The following CTNNA3 variants were observed in gnomAD, a reference collection of about 807,000 sequenced individuals.
CTNNA3 encodes the protein catenin alpha 3, also known as catenin alpha-3.
CTNNA3 carries 76 observed loss-of-function variants against 95.7 expected under a neutral mutation model. That is an observed-to-expected ratio of 0.79 (90% CI 0.66 to 0.96). CTNNA3 has a LOEUF of 0.96. CTNNA3 is among the 40% of genes least tolerant of loss of function. CTNNA3 has a pLI of 0.00. For synonymous variants in CTNNA3, 431 were observed against 374.4 expected (o/e 1.15, Z -1.74); for missense variants, 1,191 against 1,089.8 (o/e 1.09, Z -1.31).
chr10:66,687,348 T>A (rs1847333983), intron 9 of CTNNA3, among the ~76,000 whole-genome samples: 1 of 152,126 alleles, frequency 6.6e-6, no homozygotes, highest in African/African-American at 2.4e-5. Context: ...TTTGTCTTCT[T>A]GATGCCTCCC....
At chr10:66,846,132 A>AC (rs71035190) in intron 7 of CTNNA3, among the ~76,000 whole-genome samples, 18 of 72,372 alleles carry the variant, frequency 2.5e-4, no homozygotes, top group Admixed American at 1.0e-3. Flanking sequence ...ACTCTGTCTC[A>AC]AAAAAAAGGG....
chr10:67,105,381 T>C (rs959660207), intron 7 of CTNNA3, among the ~76,000 whole-genome samples: 3 of 152,138 alleles, frequency 2.0e-5, no homozygotes, highest in Non-Finnish European at 2.9e-5. Flanking sequence ...ATGCTACATG[T>C]TCTTTCCAAG....
chr10:66,546,981 A>G (rs1456340237), intron 10 of CTNNA3, among the ~76,000 whole-genome samples: 1 of 152,150 alleles, frequency 6.6e-6, no homozygotes, highest in Non-Finnish European at 1.5e-5. Flanking sequence ...TTATAACAAC[A>G]GAGCTTTTTG....
intron 7 of CTNNA3, among the ~76,000 whole-genome samples, chr10:66,982,145 A>G (rs981303169): frequency 1.3e-5 from 2 of 152,196 alleles, no homozygotes; most frequent in Non-Finnish European, 2.9e-5. Flanking sequence ...AAATAAATAC[A>G]TTTGCATTCT....
chr10:67,264,504 G>A (rs1866739457), intron 5 of CTNNA3, among the ~76,000 whole-genome samples: 1 of 152,068 alleles, frequency 6.6e-6, no homozygotes, highest in African/African-American at 2.4e-5. Context: ...TAGAAAGTAG[G>A]ATAAACATGA....
chr10:66,914,379 C>T (rs958692680), intron 7 of CTNNA3, among the ~76,000 whole-genome samples: 12 of 151,860 alleles, frequency 7.9e-5, no homozygotes, highest in Non-Finnish European at 5.9e-5. Flanking sequence ...ATCTGCCCTC[C>T]GGCAGGGTAC....
intron 13 of CTNNA3, among the ~76,000 whole-genome samples, chr10:66,277,200 T>C (rs2091416660): frequency 6.6e-6 from 1 of 152,076 alleles, no homozygotes; most frequent in Admixed American, 6.6e-5. Context: ...AAACAAATAG[T>C]AAAGACATAA....
chr10:67,686,478 G>A lies in CTNNA3; in HGVS notation c.-6+9522C>T, dbSNP rs528081835. 3.4e-4 allele frequency among the ~76,000 whole-genome samples: 52 copies of A among 152,292 alleles called. No individual in the cohort carries two copies. The South Asian group carries it at 0.011, about 31-fold the overall frequency. On this transcript the variant is annotated intron_variant, in intron 1 of 17. Coordinates refer to ENST00000433211, the MANE Select transcript of CTNNA3 (RefSeq NM_013266.4). Reference sequence around the variant, plus strand: ...CCTCTGGTAGAAAAGTGGCAGGGCTGAGGGCCACACATGTATGCACTTGAA... The same window carrying A: ...CCTCTGGTAGAAAAGTGGCAGGGCTAAGGGCCACACATGTATGCACTTGAA...
rs899966979 is a variant in CTNNA3 at position 66,284,599 on chromosome 10, T to C, written c.1733-3978A>G. Reference sequence around the variant, plus strand: ...TATTTCATCCCTTCTTAATCCTTGATAAATTTATTATGTGCATTTGAAAGT... The same window carrying C: ...TATTTCATCCCTTCTTAATCCTTGACAAATTTATTATGTGCATTTGAAAGT... On this transcript the variant is annotated intron_variant, in intron 12 of 17. Coordinates refer to ENST00000433211, the MANE Select transcript of CTNNA3 (RefSeq NM_013266.4). 2.0e-5 allele frequency among the ~76,000 whole-genome samples: 3 copies of C among 152,058 alleles called. No individual in the cohort carries two copies. In the South Asian group the frequency reaches 6.2e-4, roughly 31 times the overall value.
intron 6 of CTNNA3, among the ~76,000 whole-genome samples, chr10:67,190,790 T>A (rs1863084906): frequency 6.6e-6 from 1 of 151,858 alleles, no homozygotes; most frequent in African/African-American, 2.4e-5. Flanking sequence ...AATAAAGACA[T>A]CAAGAGAGTG....
At chr10:67,039,901 A>G (rs1210518139) in intron 7 of CTNNA3, among the ~76,000 whole-genome samples, 1 of 152,112 alleles carries the variant, frequency 6.6e-6, no homozygotes, top group Non-Finnish European at 1.5e-5. Context: ...CTGAATTTCT[A>G]TGTCTTAGAA....
chr10:66,141,205 G>A (rs2083598837), intron 13 of CTNNA3, among the ~76,000 whole-genome samples: 1 of 151,514 alleles, frequency 6.6e-6, no homozygotes. Flanking sequence ...GTTGCAGTGA[G>A]CTTAGATCAT....
chr10:67,206,956 C>A (rs1357390102), intron 6 of CTNNA3, among the ~76,000 whole-genome samples: 2 of 152,022 alleles, frequency 1.3e-5, no homozygotes, highest in African/African-American at 2.4e-5. Context: ...CATGGTGAAA[C>A]CCCGTCTCTA....
chr10:66,584,240 T>C (rs1843287180), intron 10 of CTNNA3, among the ~76,000 whole-genome samples: 1 of 151,898 alleles, frequency 6.6e-6, no homozygotes, highest in African/African-American at 2.4e-5. Context: ...TTTGTTGACT[T>C]TCTGCTTTGA....
At chr10:67,313,876 G>C (rs1410998492) in intron 5 of CTNNA3, among the ~76,000 whole-genome samples, 2 of 152,180 alleles carry the variant, frequency 1.3e-5, no homozygotes, top group Non-Finnish European at 2.9e-5. Flanking sequence ...AGGTAGGAAA[G>C]ATAAGAAGTT....
At chr10:66,587,855 C>T (rs1007621275) in intron 10 of CTNNA3, among the ~76,000 whole-genome samples, 5 of 152,186 alleles carry the variant, frequency 3.3e-5, no homozygotes, top group Admixed American at 2.0e-4. Context: ...AGGCCGCACC[C>T]CTTCTGGTCT....
intron 5 of CTNNA3, among the ~76,000 whole-genome samples, chr10:67,301,918 G>C (rs1371600779): frequency 2.0e-5 from 3 of 150,906 alleles, no homozygotes; most frequent in Admixed American, 6.6e-5. Context: ...GCAGTGAGCG[G>C]AGATCGCGCC....
intron 15 of CTNNA3, among the ~76,000 whole-genome samples, chr10:66,012,408 G>A: frequency 6.6e-6 from 1 of 152,084 alleles, no homozygotes; most frequent in East Asian, 1.9e-4. Context: ...TGACAAAAAA[G>A]ACAACTGTTA....
chr10:67,570,874 G>C (rs1217514457), intron 3 of CTNNA3, among the ~76,000 whole-genome samples: 5 of 152,162 alleles, frequency 3.3e-5, no homozygotes, highest in South Asian at 2.1e-4. Flanking sequence ...TCCAGTGCTG[G>C]AACTCCTCAA....
Sources: gnomAD v4.1 joint callset for allele counts (sites outside exome capture counted in the v4.1 genomes callset) on GRCh38, gnomAD v4.1.1 for gene constraint, MANE v1.5 for transcripts, NCBI Gene and HGNC (gene_info 2026-07-23, HGNC 2026-07-21) for gene names.